The following AKAP13 variants were observed in gnomAD, a reference collection of about 807,000 sequenced individuals.
AKAP13 encodes the protein A-kinase anchor protein 13.
AKAP13 carries 80 observed loss-of-function variants against 264.5 expected under a neutral mutation model. The observed-to-expected ratio is 0.30, with a 90% CI of 0.25 to 0.36. AKAP13 has a LOEUF of 0.36. AKAP13 is among the 10% of genes least tolerant of loss of function. The probability of loss-of-function intolerance (pLI) is 1.00; values close to 1 mark genes in which losing one functional copy is unlikely to be tolerated. For synonymous variants in AKAP13, 1,380 were observed against 1,250.2 expected, an observed-to-expected ratio of 1.10 and a Z score of -2.19; for missense variants, 3,712 against 3,435.2, an observed-to-expected ratio of 1.08 and a Z score of -2.01.
intron 5 of AKAP13, among the ~76,000 whole-genome samples, chr15:85,547,034 G>A (rs1025439104): frequency 2.0e-5 from 3 of 152,248 alleles, no homozygotes; most frequent in Non-Finnish European, 4.4e-5. Flanking sequence ...GAGCCACCGC[G>A]CCCAGCCATG....
At position 85,727,451 on chromosome 15, in the gene AKAP13, C is replaced by T. The variant is rs778806648; in HGVS notation, c.7075C>T (p.Arg2359Ter). ...AAAGAAAATGTTGGACACCAGAGCC[C>T]GAGAATTAAAAGGTGAGGCATTGCG... ...EEKKMLDTRARELKEQLHQKD... is the reference protein window; with the variant it reads ...EEKKMLDTRA Residue 2359 changes from arginine (R) to a stop codon, truncating the protein, a stop_gained, in exon 29 of 37, where the codon CGA becomes TGA. Coordinates refer to ENST00000394518, the MANE Select transcript of AKAP13 (RefSeq NM_007200.5). LOFTEE classifies it high-confidence loss of function. This position sits in a 1 kb window ranked among gnomAD's most constrained non-coding sequence, Gnocchi z 5.3. 1 of 1,614,030 alleles carries T rather than the reference C, an allele frequency of 6.2e-7. No homozygotes were observed. The highest frequency in any genetic ancestry group is 8.5e-7 in the Non-Finnish European group (1 of 1,179,964).
chr15:85,720,387 G>A (rs918961279), intron 23 of AKAP13, among the ~76,000 whole-genome samples: 1 of 151,970 alleles, frequency 6.6e-6, no homozygotes, highest in African/African-American at 2.4e-5. Context: ...GTGACTATCT[G>A]TAAAATGCTT....
intron 1 of AKAP13, among the ~76,000 whole-genome samples, chr15:85,429,542 C>G (rs1020990133): frequency 6.6e-6 from 1 of 152,190 alleles, no homozygotes; most frequent in Non-Finnish European, 1.5e-5. Context: ...CTCTGGCCTT[C>G]AGGAAATTTA....
chr15:85,690,866 A>G (rs968423376), intron 16 of AKAP13, among the ~76,000 whole-genome samples: 1 of 152,236 alleles, frequency 6.6e-6, no homozygotes, highest in Non-Finnish European at 1.5e-5. Context: ...CCTCAAATGC[A>G]TTATTAAACA....
In AKAP13 at chr15:85,655,650, G is replaced by A. The variant is rs757072608; in HGVS notation, c.4608G>A (p.Glu1536=). 1 of 1,614,228 alleles carries A rather than the reference G, an allele frequency of 6.2e-7. No individual in the cohort carries two copies. The highest frequency in any genetic ancestry group is 1.1e-5 in the South Asian group (1 of 91,086). Residue 1536 remains glutamate (E), a synonymous_variant, in exon 11 of 37, where the codon GAG becomes GAA. Transcript: ENST00000394518. The stretch of plus-strand genomic sequence containing the variant: ...CTGACCCAGGCGACGTGGAGGAGGA[G>A]GAGATGGACAGTATCACTGAAGTGC... ...EPADPGDVEE[E]EMDSITEVPA... is the part of the protein sequence containing the mutation.
intron 8 of AKAP13, among the ~76,000 whole-genome samples, chr15:85,602,405 A>G (rs1406067726): frequency 6.6e-6 from 1 of 151,928 alleles, no homozygotes; most frequent in Non-Finnish European, 1.5e-5. Context: ...TGAACTCCTG[A>G]TCTCAGGTGA....
At position 85,581,810 on chromosome 15, in the gene AKAP13, A is replaced by G. The variant is rs114556336; in HGVS notation, c.3742A>G (p.Ile1248Val). ...DAPLPKGADL[I>V]EEAASRIVDA... The stretch of plus-strand genomic sequence containing the variant: ...ACCTCTGCCTAAGGGGGCAGACTTG[A>G]TAGAGGAGGCTGCCAGCCGTATAGT... Residue 1248 changes from isoleucine (I) to valine (V), a missense_variant, in exon 7 of 37, where the codon ATA becomes GTA. By Grantham distance (29) the Ile-to-Val change is conservative. Transcript: ENST00000394518. 1.1e-4 allele frequency: 174 copies of G among 1,614,140 alleles called. 1 individual carries two copies. The East Asian group carries it at 3.8e-3, about 35-fold the overall frequency.
At chr15:85,389,045 G>C (rs1051707785) in intron 1 of AKAP13, among the ~76,000 whole-genome samples, 2 of 152,212 alleles carry the variant, frequency 1.3e-5, no homozygotes, top group Admixed American at 6.5e-5. Flanking sequence ...TATTCTGGCA[G>C]TTGAGAACAC....
intron 7 of AKAP13, among the ~76,000 whole-genome samples, chr15:85,583,601 C>T (rs72758700): frequency 6.6e-6 from 1 of 152,280 alleles, no homozygotes; most frequent in Non-Finnish European, 1.5e-5. Context: ...TAAGCTGATG[C>T]CTGGTGATGT....
Position 85,685,183 on chromosome 15 carries a change from A to G in AKAP13, c.5289+310A>G, listed in dbSNP as rs377052411. The G allele has an allele frequency of 2.9e-5, 6 of 207,024 alleles. 1 individual carries two copies. In the South Asian group the frequency reaches 7.5e-4, roughly 26 times the overall value. 12.8% of individuals were successfully genotyped at this position (207,024 alleles called of 1,614,324 possible). ...GTACCTTACCGAGGATACTCCTCTA[A>G]TGTGAAGAAGTAGTTCAAACCAGAT... On this transcript the variant is annotated intron_variant, in intron 16 of 36. Coordinates refer to ENST00000394518, the MANE Select transcript of AKAP13 (RefSeq NM_007200.5).
chr15:85,518,821 C>T (rs137940816), intron 2 of AKAP13, among the ~76,000 whole-genome samples: 1 of 152,138 alleles, frequency 6.6e-6, no homozygotes, highest in Admixed American at 6.5e-5. Flanking sequence ...TAAGTGAGAA[C>T]CTGTCTCAAA....
chr15:85,460,393 A>G (rs1174026884), intron 1 of AKAP13, among the ~76,000 whole-genome samples: 1 of 152,216 alleles, frequency 6.6e-6, no homozygotes, highest in Non-Finnish European at 1.5e-5. Context: ...CTTAGAAGAT[A>G]CAGTGGAAGT....
At chr15:85,744,415 T>C in intron 36 of AKAP13, 1 of 563,160 alleles carries the variant, frequency 1.8e-6, no homozygotes, top group Non-Finnish European at 3.2e-6. Flanking sequence ...CTAGTGATTA[T>C]TTAAAAGTTA....
In AKAP13 at chr15:85,664,789, A is replaced by G. The variant is rs201556545; in HGVS notation, c.4992+34A>G. The G allele has an allele frequency of 1.9e-5, 30 of 1,584,630 alleles. No individual in the cohort carries two copies. The Admixed American group carries it at 3.1e-4, about 17-fold the overall frequency. ...TAAATATGTCTAATTTGGAAAAAAT[A>G]TATTTCACAAAATATGAACATAGAA... On this transcript the variant is annotated intron_variant, in intron 13 of 36. Coordinates refer to ENST00000394518, the MANE Select transcript of AKAP13 (RefSeq NM_007200.5).
intron 4 of AKAP13, among the ~76,000 whole-genome samples, chr15:85,539,546 T>C (rs1231398741): frequency 6.6e-6 from 1 of 152,218 alleles, no homozygotes; most frequent in East Asian, 1.9e-4. Flanking sequence ...TTGATTATTG[T>C]ACTGATCTCA....
intron 1 of AKAP13, among the ~76,000 whole-genome samples, chr15:85,393,058 A>G (rs747624795): frequency 7.2e-5 from 11 of 152,168 alleles, no homozygotes; most frequent in South Asian, 4.1e-4. Flanking sequence ...AAATTAATCT[A>G]TCATCCTTGT....
intron 1 of AKAP13, among the ~76,000 whole-genome samples, chr15:85,432,538 T>TA (rs1293678670): frequency 1.3e-5 from 2 of 152,210 alleles, no homozygotes; most frequent in Non-Finnish European, 2.9e-5. Flanking sequence ...GGGAAAGTTT[T>TA]AAAGTTTACA....
intron 8 of AKAP13, among the ~76,000 whole-genome samples, chr15:85,590,824 T>A (rs1287326271): frequency 1.3e-5 from 2 of 152,190 alleles, no homozygotes; most frequent in Non-Finnish European, 2.9e-5. Context: ...GTTGTCATCT[T>A]TTTTTCCTTA....
chr15:85,435,139 G>A (rs1220335529), intron 1 of AKAP13, among the ~76,000 whole-genome samples: 1 of 137,196 alleles, frequency 7.3e-6, no homozygotes, highest in Non-Finnish European at 1.6e-5. Flanking sequence ...AGCTGATGGA[G>A]CTGAAAACCA....
Sources: gnomAD v4.1 joint callset for allele counts (sites outside exome capture counted in the v4.1 genomes callset) on GRCh38, gnomAD v4.1.1 for gene constraint, Gnocchi (gnomAD v3.1) non-coding constraint, MANE v1.5 for transcripts, NCBI Gene and HGNC (gene_info 2026-07-23, HGNC 2026-07-21) for gene names.